The following CDK8 variants were observed in gnomAD, a reference collection of about 807,000 sequenced individuals.
The protein encoded by CDK8 is cyclin dependent kinase 8, also known as cyclin-dependent kinase 8.
CDK8 carries 29 observed loss-of-function variants against 71.5 expected under a neutral mutation model. That is an observed-to-expected ratio of 0.41 (90% CI 0.30 to 0.55). The LOEUF is 0.55. CDK8 is among the 20% of genes least tolerant of loss of function. CDK8 has a pLI of 0.37. For synonymous variants in CDK8, 161 were observed against 192.1 expected (o/e 0.84, Z 1.34); for missense variants, 288 against 572.6 (o/e 0.50, Z 5.07).
At chr13:26,350,502 G>A (rs1873640452) in intron 3 of CDK8, among the ~76,000 whole-genome samples, 1 of 152,136 alleles carries the variant, frequency 6.6e-6, no homozygotes, top group South Asian at 2.1e-4. Flanking sequence ...TGGGCTCAGT[G>A]GCACATGCTG....
chr13:26,343,251 C>T (rs1056428124), intron 2 of CDK8, among the ~76,000 whole-genome samples: 2 of 152,126 alleles, frequency 1.3e-5, no homozygotes, highest in Non-Finnish European at 2.9e-5. Flanking sequence ...CTGTTTGTAG[C>T]CTATTCCTTC....
intron 1 of CDK8, among the ~76,000 whole-genome samples, chr13:26,317,556 C>T (rs779700584): frequency 3.9e-5 from 6 of 152,066 alleles, no homozygotes; most frequent in Non-Finnish European, 8.8e-5. Flanking sequence ...GATTGAGTCT[C>T]AATAGTTTTT....
intron 1 of CDK8, among the ~76,000 whole-genome samples, chr13:26,289,663 GCC>G (rs1336274948): frequency 1.3e-5 from 2 of 151,908 alleles, no homozygotes; most frequent in Non-Finnish European, 2.9e-5. Flanking sequence ...CCATTCTCCT[GCC>G]TCAGCCTCCC....
chr13:26,262,161 T>G (rs1223933328), intron 1 of CDK8, among the ~76,000 whole-genome samples: 1 of 152,258 alleles, frequency 6.6e-6, no homozygotes, highest in Non-Finnish European at 1.5e-5. Flanking sequence ...TATCTTAACA[T>G]ACAACTCCAA....
intron 6 of CDK8, among the ~76,000 whole-genome samples, 157 bp downstream of exon 6, chr13:26,385,499 C>T (rs983633739): frequency 1.2e-4 from 19 of 152,050 alleles, no homozygotes; most frequent in Admixed American, 2.0e-4. Flanking sequence ...CTTTGGGAGG[C>T]GGAGGCAGCT....
intron 1 of CDK8, among the ~76,000 whole-genome samples, chr13:26,325,203 A>T (rs1379130381): frequency 6.6e-6 from 1 of 152,178 alleles, no homozygotes; most frequent in Non-Finnish European, 1.5e-5. Context: ...ATTCCCACAA[A>T]TCTAGAATTA....
chr13:26,382,797 C>T lies in CDK8; in HGVS notation c.457-17C>T. The stretch of plus-strand genomic sequence containing the variant: ...CACTACTGTCTACTGAAAAAAAACA[C>T]TATTTTGTTTCCACAGAAACCTGCT... On this transcript the variant is annotated splice_polypyrimidine_tract_variant and intron_variant, in intron 4 of 12. Transcript: ENST00000381527. 6.4e-7 allele frequency: 1 copy of T among 1,560,534 alleles called. No homozygotes were observed. Among genetic ancestry groups the T allele is most frequent in the South Asian group, 1.2e-5 (1 of 84,928 alleles).
At chr13:26,329,678 A>AT (rs1387179362) in intron 1 of CDK8, among the ~76,000 whole-genome samples, 5 of 151,584 alleles carry the variant, frequency 3.3e-5, no homozygotes, top group African/African-American at 1.2e-4. Flanking sequence ...AAATTTTTGT[A>AT]TTTTTTGTAC....
intron 3 of CDK8, among the ~76,000 whole-genome samples, chr13:26,349,588 G>A (rs1370415337): frequency 6.6e-6 from 1 of 152,180 alleles, no homozygotes; most frequent in Non-Finnish European, 1.5e-5. Context: ...GGACGAATAT[G>A]CTATCTTTGG....
intron 1 of CDK8, among the ~76,000 whole-genome samples, chr13:26,262,146 C>T (rs1271405807): frequency 6.6e-6 from 1 of 152,228 alleles, no homozygotes; most frequent in Non-Finnish European, 1.5e-5. Context: ...AAAATCCTAA[C>T]TACGTATCTT....
In CDK8 at chr13:26,254,584, T is replaced by TG. The variant is rs2137842200; in HGVS notation, c.-58_-57insG. On this transcript the variant is annotated 5_prime_UTR_variant, in exon 1 of 13. Coordinates refer to ENST00000381527, the MANE Select transcript of CDK8 (RefSeq NM_001260.3). This position sits in a 1 kb window ranked among gnomAD's most constrained non-coding sequence, Gnocchi z 6.7. ...GCTGCGGCTGCCCGTGCTTCCCCGG[T>TG]CCCCACCCCTGCCCCCCGGCCCCCC... 1,269 of 1,289,314 alleles carry TG rather than the reference T, an allele frequency of 9.8e-4. No homozygotes were observed. The highest frequency in any genetic ancestry group is 1.6e-3 in the Middle Eastern group (6 of 3,740). 79.9% of individuals were successfully genotyped at this position (1,289,314 alleles called of 1,614,324 possible). A position where few individuals can be genotyped will look rare whatever the true frequency, so the allele number is the denominator to read the frequency against.
Position 26,404,089 on chromosome 13 carries a change from CG to C in CDK8, c.*10del, listed in dbSNP as rs1876399622. ...CAGACACATCGGTACTGAGCTGCAT[CG>C]GAATCTTGTCCATGCACTGTTGCGA... On this transcript the variant is annotated 3_prime_UTR_variant, in exon 13 of 13. Transcript: ENST00000381527. 1.2e-6 allele frequency: 2 copies of C among 1,613,372 alleles called. No homozygotes were observed. Among genetic ancestry groups the C allele is most frequent in the Non-Finnish European group, 1.7e-6 (2 of 1,179,734 alleles).
At chr13:26,339,082 G>A (rs1036259642) in intron 2 of CDK8, among the ~76,000 whole-genome samples, 5 of 152,148 alleles carry the variant, frequency 3.3e-5, no homozygotes, top group African/African-American at 1.2e-4. Flanking sequence ...TACTTTTAAT[G>A]TACTTGATCA....
At chr13:26,328,519 T>C (rs2137958830) in intron 1 of CDK8, among the ~76,000 whole-genome samples, 1 of 152,322 alleles carries the variant, frequency 6.6e-6, no homozygotes, top group South Asian at 2.1e-4. Flanking sequence ...GTTGACAATG[T>C]AATCAGTATA....
chr13:26,270,688 G>C (rs1267682619), intron 1 of CDK8, among the ~76,000 whole-genome samples: 2 of 152,102 alleles, frequency 1.3e-5, no homozygotes, highest in African/African-American at 4.8e-5. Context: ...CGTTTTCAAG[G>C]CTCATCCATG....
intron 2 of CDK8, among the ~76,000 whole-genome samples, chr13:26,341,285 C>T (rs1048600755): frequency 6.6e-6 from 1 of 152,128 alleles, no homozygotes; most frequent in Non-Finnish European, 1.5e-5. Flanking sequence ...CGCCACCACA[C>T]CCAGCTAATG....
intron 4 of CDK8, among the ~76,000 whole-genome samples, chr13:26,359,261 T>TTTC (rs6144966): frequency 6.6e-6 from 1 of 152,062 alleles, no homozygotes; most frequent in Non-Finnish European, 1.5e-5. Flanking sequence ...GGATGCAGAG[T>TTTC]ATGAAAAGAG....
intron 4 of CDK8, among the ~76,000 whole-genome samples, chr13:26,373,400 C>T (rs1874781880): frequency 6.6e-6 from 1 of 151,976 alleles, no homozygotes; most frequent in Non-Finnish European, 1.5e-5. Context: ...ACACTAACTG[C>T]TGGACATAAT....
chr13:26,281,980 A>AG (rs1189179765), intron 1 of CDK8, among the ~76,000 whole-genome samples: 2 of 152,060 alleles, frequency 1.3e-5, no homozygotes, highest in African/African-American at 4.8e-5. Context: ...CAGAGCTCAA[A>AG]GATAAGGCTT....
Sources: gnomAD v4.1 joint callset for allele counts (sites outside exome capture counted in the v4.1 genomes callset) on GRCh38, gnomAD v4.1.1 for gene constraint, Gnocchi (gnomAD v3.1) non-coding constraint, MANE v1.5 for transcripts, NCBI Gene and HGNC (gene_info 2026-07-23, HGNC 2026-07-21) for gene names.